The following LYPD6 variants were observed in gnomAD, a reference collection of about 807,000 sequenced individuals.
LYPD6 encodes the protein ly6/PLAUR domain-containing protein 6.
In LYPD6, 15 loss-of-function variants were observed where a neutral mutation model predicts 22.7. The ratio of observed to expected loss-of-function variants is 0.66; its 90% CI spans 0.44 to 1.02. The LOEUF is 1.02. LYPD6 is among the 50% of genes least tolerant of loss of function. LYPD6 has a pLI of 0.00. For synonymous variants in LYPD6, 72 were observed against 77.5 expected, an observed-to-expected ratio of 0.93 and a Z score of 0.37; for missense variants, 189 against 208.4, an observed-to-expected ratio of 0.91 and a Z score of 0.57.
chr2:149,384,701 G>A (rs76184186), intron 1 of LYPD6, among the ~76,000 whole-genome samples: 1 of 151,938 alleles, frequency 6.6e-6, no homozygotes, highest in Non-Finnish European at 1.5e-5. Flanking sequence ...TCCTCTCCAG[G>A]CTCTGTTTTT....
intron 1 of LYPD6, among the ~76,000 whole-genome samples, chr2:149,396,242 T>C (rs1428568133): frequency 4.6e-5 from 7 of 152,146 alleles, no homozygotes; most frequent in African/African-American, 1.7e-4. Context: ...GCTTTTTTTT[T>C]CCTCTTAGAA....
At chr2:149,402,546 A>G (rs1682583314) in intron 1 of LYPD6, among the ~76,000 whole-genome samples, 1 of 151,934 alleles carries the variant, frequency 6.6e-6, no homozygotes, top group African/African-American at 2.4e-5. Flanking sequence ...ATCCATGCCA[A>G]CATCTGTTAT....
chr2:149,435,538 C>T (rs369512329), intron 1 of LYPD6, among the ~76,000 whole-genome samples: 1 of 152,270 alleles, frequency 6.6e-6, no homozygotes, highest in Non-Finnish European at 1.5e-5. Context: ...ACCAACCTCA[C>T]CATGCTGGCA....
chr2:149,404,478 G>A (rs1171079265), intron 1 of LYPD6, among the ~76,000 whole-genome samples: 1 of 152,026 alleles, frequency 6.6e-6, no homozygotes, highest in Non-Finnish European at 1.5e-5. Context: ...CCTAGGTATT[G>A]TATTCTCTTT....
At chr2:149,338,978 A>G (rs1260081868) in intron 1 of LYPD6, among the ~76,000 whole-genome samples, 1 of 152,174 alleles carries the variant, frequency 6.6e-6, no homozygotes, top group Non-Finnish European at 1.5e-5. Context: ...ATAGGGAGGA[A>G]TTGGATAAGA....
intron 1 of LYPD6, among the ~76,000 whole-genome samples, chr2:149,390,136 C>A (rs1682276706): frequency 6.6e-6 from 1 of 152,170 alleles, no homozygotes; most frequent in Non-Finnish European, 1.5e-5. Flanking sequence ...TATTTTGGAT[C>A]TTGATTAATT....
intron 3 of LYPD6, among the ~76,000 whole-genome samples, chr2:149,460,467 A>G (rs924713020): frequency 5.9e-5 from 9 of 152,162 alleles, no homozygotes; most frequent in African/African-American, 1.9e-4. Context: ...GCATCACATA[A>G]CAGAGCTGAA....
chr2:149,412,950 C>A (rs1044134264), intron 1 of LYPD6, among the ~76,000 whole-genome samples: 1 of 152,124 alleles, frequency 6.6e-6, no homozygotes, highest in African/African-American at 2.4e-5. Context: ...AAGCCCAGAG[C>A]TGAATTTTAA....
intron 2 of LYPD6, among the ~76,000 whole-genome samples, chr2:149,441,354 A>T (rs1013511783): frequency 3.3e-5 from 5 of 152,166 alleles, no homozygotes; most frequent in African/African-American, 1.2e-4. Context: ...AAATATGGTG[A>T]TGCTGGAGAT....
chr2:149,480,154 C>T, the LYPD6 span, among the ~76,000 whole-genome samples: 1 of 152,048 alleles, frequency 6.6e-6, no homozygotes, highest in African/African-American at 2.4e-5. Context: ...GGATTACAGG[C>T]ATGCACCACC....
intron 2 of LYPD6, among the ~76,000 whole-genome samples, chr2:149,445,294 A>G (rs1458172314): frequency 1.3e-5 from 2 of 152,226 alleles, no homozygotes; most frequent in Non-Finnish European, 2.9e-5. Context: ...ACTTAACATA[A>G]TTTTTAAAGT....
At chr2:149,478,115 T>C (rs1038635537), downstream of LYPD6, among the ~76,000 whole-genome samples, 3 of 152,090 alleles carry the variant, frequency 2.0e-5, no homozygotes, top group African/African-American at 7.2e-5. Context: ...TTCCAAAAAT[T>C]ACCTGATGTT....
At chr2:149,413,934 G>A (rs535081228) in intron 1 of LYPD6, among the ~76,000 whole-genome samples, 1 of 152,338 alleles carries the variant, frequency 6.6e-6, no homozygotes, top group South Asian at 2.1e-4. Flanking sequence ...AACCTTTACA[G>A]GTTATTGAAA....
At chr2:149,457,229 T>A (rs1192573040) in intron 3 of LYPD6, among the ~76,000 whole-genome samples, 4 of 152,196 alleles carry the variant, frequency 2.6e-5, no homozygotes, top group Non-Finnish European at 5.9e-5. Flanking sequence ...TAGTATTATT[T>A]CTCTTTTAAA....
intron 1 of LYPD6, among the ~76,000 whole-genome samples, chr2:149,373,923 G>T (rs1681864071): frequency 6.6e-6 from 1 of 152,100 alleles, no homozygotes; most frequent in Non-Finnish European, 1.5e-5. Context: ...AGTTGCTGTG[G>T]GAAACTATTT....
At chr2:149,458,337 G>T (rs555714430) in intron 3 of LYPD6, among the ~76,000 whole-genome samples, 2 of 152,272 alleles carry the variant, frequency 1.3e-5, no homozygotes, top group Admixed American at 1.3e-4. Flanking sequence ...GACCAAGGTT[G>T]TGTCAAAGGA....
At chr2:149,350,133 A>G (rs1275992814) in intron 1 of LYPD6, among the ~76,000 whole-genome samples, 1 of 152,206 alleles carries the variant, frequency 6.6e-6, no homozygotes, top group Non-Finnish European at 1.5e-5. Context: ...GCAAAAATGA[A>G]CCTCATAAAA....
downstream of LYPD6, among the ~76,000 whole-genome samples, chr2:149,478,205 T>A (rs78661955): frequency 1.4e-3 from 217 of 152,232 alleles, 7 homozygotes; most frequent in East Asian, 0.042. Context: ...CAAGGGCTTC[T>A]CTTCATACTC....
At chr2:149,331,462 C>T (rs1680936911) in intron 1 of LYPD6, among the ~76,000 whole-genome samples, 1 of 152,200 alleles carries the variant, frequency 6.6e-6, no homozygotes, top group East Asian at 1.9e-4. Flanking sequence ...TCTACCGCTG[C>T]CCTCCTCCAG....
Sources: gnomAD v4.1 joint callset for allele counts (sites outside exome capture counted in the v4.1 genomes callset) on GRCh38, gnomAD v4.1.1 for gene constraint, MANE v1.5 for transcripts, NCBI Gene and HGNC (gene_info 2026-07-23, HGNC 2026-07-21) for gene names.